MEIS1: variants seen among roughly 807,000 people sequenced by gnomAD.
The protein encoded by MEIS1 is homeobox protein Meis1.
In MEIS1, 5 loss-of-function variants were observed where a neutral mutation model predicts 50.8. The observed-to-expected ratio is 0.10, with a 90% confidence interval of 0.05 to 0.21. The LOEUF (loss-of-function observed/expected upper bound fraction) is 0.21. Ranked by LOEUF, MEIS1 falls within the 10% of genes least tolerant of loss-of-function variation. The pLI is 1.00. For synonymous variants in MEIS1, 176 were observed against 179.3 expected, an observed-to-expected ratio of 0.98 and a Z score of 0.15; for missense variants, 318 against 517.3, an observed-to-expected ratio of 0.61 and a Z score of 3.74.
At chr2:66,527,756 C>T (rs778904042) in intron 8 of MEIS1, among the ~76,000 whole-genome samples, 4 of 151,978 alleles carry the variant, frequency 2.6e-5, no homozygotes, top group Non-Finnish European at 4.4e-5. Flanking sequence ...GACTTAATCC[C>T]ACCACACTGC....
At position 66,525,713 on chromosome 2, in the gene MEIS1, A is replaced by G. The variant is rs1338207344; in HGVS notation, c.888+13419A>G. Among the ~76,000 whole-genome samples the G allele has an allele frequency of 2.0e-5, 3 of 152,208 alleles. No homozygotes were observed. The East Asian group carries it at 5.8e-4, about 29-fold the overall frequency. On this transcript the variant is annotated intron_variant, in intron 8 of 12. Transcript: ENST00000272369. Reference sequence around the variant, plus strand: ...TTTCTTCTGGGCTTGTTGACAGTACACTTGTGTGTTCGGGTGGGTGGAGGG... The same window carrying G: ...TTTCTTCTGGGCTTGTTGACAGTACGCTTGTGTGTTCGGGTGGGTGGAGGG...
At chr2:66,520,984 T>C (rs1674103425) in intron 8 of MEIS1, among the ~76,000 whole-genome samples, 1 of 152,200 alleles carries the variant, frequency 6.6e-6, no homozygotes, top group African/African-American at 2.4e-5. Flanking sequence ...GCTAGCTAAT[T>C]AGTATTTTTA....
At chr2:66,516,764 G>A (rs932267332) in intron 8 of MEIS1, among the ~76,000 whole-genome samples, 1 of 152,150 alleles carries the variant, frequency 6.6e-6, no homozygotes, top group Non-Finnish European at 1.5e-5. Flanking sequence ...CTCTAAGGAC[G>A]GAGTAAATGG....
At chr2:66,550,022 T>G (rs1208749523) in intron 9 of MEIS1, among the ~76,000 whole-genome samples, 2 of 152,172 alleles carry the variant, frequency 1.3e-5, no homozygotes, top group African/African-American at 4.8e-5. Flanking sequence ...CAATTCGACT[T>G]TCTCAGTTTT....
intron 8 of MEIS1, among the ~76,000 whole-genome samples, chr2:66,529,045 T>C (rs1468945629): frequency 6.6e-6 from 1 of 152,136 alleles, no homozygotes; most frequent in Non-Finnish European, 1.5e-5. Flanking sequence ...ACCCCTTCTC[T>C]ACTTGACACT....
chr2:66,534,291 T>A (rs2103900904), intron 8 of MEIS1, among the ~76,000 whole-genome samples: 1 of 152,298 alleles, frequency 6.6e-6, no homozygotes, highest in East Asian at 1.9e-4. Context: ...ATCCCAGCAC[T>A]TTGGGAGGCC....
chr2:66,542,402 G>C (rs1674677836), intron 8 of MEIS1, among the ~76,000 whole-genome samples: 1 of 152,112 alleles, frequency 6.6e-6, no homozygotes, highest in South Asian at 2.1e-4. Flanking sequence ...GAGGAAAAAG[G>C]ATAAAAGAAG....
At chr2:66,512,342 C>G in intron 8 of MEIS1, 48 bp downstream of exon 8, 1 of 1,549,816 alleles carries the variant, frequency 6.5e-7, no homozygotes, top group South Asian at 1.3e-5. Flanking sequence ...GGACAATGAA[C>G]CAGTTTTTAT....
At chr2:66,552,068 G>C (rs1009215224) in intron 9 of MEIS1, among the ~76,000 whole-genome samples, 1 of 150,834 alleles carries the variant, frequency 6.6e-6, no homozygotes, top group African/African-American at 2.4e-5. Context: ...ATCAATACTT[G>C]GTTGTTTTTT....
chr2:66,455,359 C>T (rs546989787), intron 6 of MEIS1, among the ~76,000 whole-genome samples: 1 of 152,148 alleles, frequency 6.6e-6, no homozygotes, highest in East Asian at 1.9e-4. Flanking sequence ...CTTCTTAGAC[C>T]ACAGTAGGGT....
intron 5 of MEIS1, 110 bp from the exon 6 acceptor site, chr2:66,442,781 ATTGCCCTGTGT>A: frequency 2.2e-6 from 2 of 925,752 alleles, no homozygotes; most frequent in Non-Finnish European, 3.2e-6. Flanking sequence ...CTGGAGGACA[ATTGCCCTGTGT>A]TTCCCCTATT....
In MEIS1 at chr2:66,573,316, T is replaced by G. The variant is rs1006191019; in HGVS notation, c.*2108T>G. 6.6e-6 allele frequency: 1 copy of G among 152,220 alleles called. No individual in the cohort carries two copies. Among genetic ancestry groups the G allele is most frequent in the African/African-American group, 2.4e-5 (1 of 41,462 alleles). 9.4% of individuals were successfully genotyped at this position (152,220 alleles called of 1,614,324 possible). ...GCTTATAATTTTATTTAAATAAAAT[T>G]GCTGCTATAAAAAGTGCTTCCCAAA... On this transcript the variant is annotated 3_prime_UTR_variant, in exon 13 of 13. Coordinates refer to ENST00000272369, the MANE Select transcript of MEIS1 (RefSeq NM_002398.3).
intron 8 of MEIS1, among the ~76,000 whole-genome samples, chr2:66,529,450 T>C (rs1674336405): frequency 6.6e-6 from 1 of 152,188 alleles, no homozygotes; most frequent in African/African-American, 2.4e-5. Context: ...TTCTTATTTC[T>C]TTTAGAAATA....
intron 6 of MEIS1, among the ~76,000 whole-genome samples, chr2:66,459,464 T>C (rs6727704): frequency 0.52 from 79,669 of 151,910 alleles, 22,169 homozygotes; most frequent in African/African-American, 0.72. Context: ...CAGCCAACTG[T>C]TGGGCACTGT....
intron 8 of MEIS1, among the ~76,000 whole-genome samples, chr2:66,532,034 A>G (rs143407210): frequency 6.6e-6 from 1 of 151,606 alleles, no homozygotes. Flanking sequence ...TTTTTTTCTG[A>G]AACTAGTTAT....
At chr2:66,449,413 A>G (rs1454437165) in intron 6 of MEIS1, among the ~76,000 whole-genome samples, 5 of 152,132 alleles carry the variant, frequency 3.3e-5, no homozygotes, top group Admixed American at 6.5e-5. Context: ...TCTAAAATCA[A>G]TTTTGAAAAG....
chr2:66,500,105 C>T (rs1008594154), intron 7 of MEIS1, among the ~76,000 whole-genome samples: 1 of 152,200 alleles, frequency 6.6e-6, no homozygotes, highest in African/African-American at 2.4e-5. Flanking sequence ...AACTTGAGAA[C>T]TGCATCTAAA....
At chr2:66,465,492 G>GTGCTA (rs749786144) in intron 7 of MEIS1, among the ~76,000 whole-genome samples, 73 of 152,256 alleles carry the variant, frequency 4.8e-4, no homozygotes, top group Non-Finnish European at 9.4e-4. Context: ...GCTGTTCAGA[G>GTGCTA]TGCTATAGTT....
At chr2:66,458,531 A>T (rs918731313) in intron 6 of MEIS1, among the ~76,000 whole-genome samples, 5 of 152,168 alleles carry the variant, frequency 3.3e-5, no homozygotes, top group Admixed American at 2.0e-4. Flanking sequence ...AGAACTATAG[A>T]AGCTGCCATT....
Sources: allele counts gnomAD v4.1 joint callset (sites outside exome capture counted in the v4.1 genomes callset), GRCh38; gene constraint gnomAD v4.1.1; transcripts MANE v1.5; gene names NCBI Gene and HGNC (gene_info 2026-07-23, HGNC 2026-07-21).